The following CDYL variants were observed in gnomAD, a reference collection of about 807,000 sequenced individuals.
CDYL encodes the protein chromodomain Y-like protein.
A neutral mutation model predicts 47.3 loss-of-function variants in CDYL; 8 were observed. The observed-to-expected ratio is 0.17, with a 90% CI of 0.10 to 0.31. The LOEUF is 0.31. Among genes scored for constraint, CDYL ranks in the 10% least tolerant of loss-of-function variants. The pLI, the probability that CDYL is intolerant of heterozygous loss-of-function variation, is 1.00. For synonymous variants in CDYL, 266 were observed against 265.0 expected (o/e 1.00, Z -0.04); for missense variants, 471 against 701.4 (o/e 0.67, Z 3.71).
intron 2 of CDYL, among the ~76,000 whole-genome samples, chr6:4,899,478 C>G (rs1475840848): frequency 1.3e-5 from 2 of 152,072 alleles, no homozygotes; most frequent in Non-Finnish European, 2.9e-5. Context: ...AGTGGGGTTT[C>G]TAGGCTTCTT....
chr6:4,725,073 G>A (rs1484475745), intron 2 of CDYL, among the ~76,000 whole-genome samples: 1 of 152,184 alleles, frequency 6.6e-6, no homozygotes, highest in East Asian at 1.9e-4. Context: ...ATCCCCGCTA[G>A]ATTAGCTAGA....
At chr6:4,947,470 C>T (rs1758558246) in intron 5 of CDYL, among the ~76,000 whole-genome samples, 1 of 152,144 alleles carries the variant, frequency 6.6e-6, no homozygotes, top group African/African-American at 2.4e-5. Context: ...CAAGTCTCAG[C>T]CCTCTCTGCC....
intron 1 of CDYL, among the ~76,000 whole-genome samples, chr6:4,868,983 C>T (rs1192794198): frequency 6.6e-6 from 1 of 152,114 alleles, no homozygotes; most frequent in Non-Finnish European, 1.5e-5. Context: ...GTTTTCATGT[C>T]ATATTTTTTC....
At chr6:4,744,242 C>G (rs529671746) in intron 3 of CDYL, among the ~76,000 whole-genome samples, 2 of 152,190 alleles carry the variant, frequency 1.3e-5, no homozygotes, top group African/African-American at 4.8e-5. Flanking sequence ...ACTGCAATCC[C>G]AGCACTCTGG....
chr6:4,724,684 A>T (rs191789048), intron 2 of CDYL: 14 of 151,884 alleles, frequency 9.2e-5, no homozygotes, highest in Admixed American at 5.9e-4. Flanking sequence ...TACAGCTCTT[A>T]ATGCAGCGCG....
At chr6:4,862,975 GATAAAGAAA>G (rs2127469369) in intron 1 of CDYL, among the ~76,000 whole-genome samples, 1 of 152,242 alleles carries the variant, frequency 6.6e-6, no homozygotes, top group South Asian at 2.1e-4. Context: ...CAGTGTACTG[GATAAAGAAA>G]ATGTGGTACA....
Position 4,732,024 on chromosome 6 carries a change from T to C in CDYL, c.104-2738T>C, listed in dbSNP as rs534801485. ...AATATGTGATAATTTAAAAGTAATA[T>C]GTAGAGTTGATTTAAAATAGGAAAA... is the stretch of plus-strand genomic sequence containing the variant. On this transcript the variant is annotated intron_variant, in intron 2 of 8. Transcript: ENST00000328908. Among the ~76,000 whole-genome samples the C allele has an allele frequency of 1.4e-4, 22 of 152,192 alleles. No individual in the cohort carries two copies. In the South Asian group the frequency reaches 4.4e-3, roughly 30 times the overall value.
chr6:4,752,215 A>G lies in CDYL; in HGVS notation c.186+17371A>G, dbSNP rs540316490. ...CTGCTAATGCCCCATTACCATCCTC[A>G]GGGCTGGTAATTGCAAGGGTAGAGA... On this transcript the variant is annotated intron_variant, in intron 3 of 8. Transcript: ENST00000328908. 9.9e-5 allele frequency among the ~76,000 whole-genome samples: 15 copies of G among 152,194 alleles called. No homozygotes were observed. The South Asian group carries it at 2.7e-3, about 27-fold the overall frequency.
intron 1 of CDYL, among the ~76,000 whole-genome samples, chr6:4,815,677 T>C (rs1015492998): frequency 1.2e-4 from 18 of 150,212 alleles, no homozygotes; most frequent in Non-Finnish European, 1.9e-4. Context: ...ATTTCACTTT[T>C]TTTTTTTTTT....
chr6:4,891,820 C>G lies in CDYL; in HGVS notation c.132C>G (p.His44Gln). 3 of 1,614,166 alleles carry G rather than the reference C, an allele frequency of 1.9e-6. No individual in the cohort carries two copies. Among genetic ancestry groups the G allele is most frequent in the Non-Finnish European group, 2.5e-6 (3 of 1,180,044 alleles). The change falls in exon 2 of 7, where the codon CAC becomes CAG. Residue 44 changes from histidine (H) to glutamine (Q), a missense_variant. His to Gln is a conservative substitution (Grantham distance 24). Coordinates refer to ENST00000397588, the MANE Select transcript of CDYL (RefSeq NM_004824.4). The part of the protein sequence containing the change: ...SEDDTWEPEQ[H>Q]LVNCEEYIHD... ...ACGACACTTGGGAGCCGGAACAGCA[C>G]CTCGTGAACTGTGAGGAATACATCC...
intron 1 of CDYL, among the ~76,000 whole-genome samples, chr6:4,862,666 T>C (rs1761205950): frequency 6.6e-6 from 1 of 152,212 alleles, no homozygotes; most frequent in Non-Finnish European, 1.5e-5. Flanking sequence ...TAAAACACTT[T>C]AGAACAGTTA....
chr6:4,750,382 T>A (rs1757968929), intron 3 of CDYL, among the ~76,000 whole-genome samples: 1 of 151,666 alleles, frequency 6.6e-6, no homozygotes, highest in Non-Finnish European at 1.5e-5. Context: ...TTTGTATTTT[T>A]AAAAGAGACG....
chr6:4,782,341 T>C (rs1758639167), intron 1 of CDYL, among the ~76,000 whole-genome samples: 1 of 152,192 alleles, frequency 6.6e-6, no homozygotes, highest in Non-Finnish European at 1.5e-5. Flanking sequence ...CGTTGCATAA[T>C]TGTTGAGTTA....
At position 4,776,737 on chromosome 6, in the gene CDYL, C is replaced by T. The variant is rs1328649578; in HGVS notation, c.-47C>T. 1.6e-6 allele frequency: 2 copies of T among 1,263,952 alleles called. No homozygotes were observed. The highest frequency in any genetic ancestry group is 2.9e-5 in the Admixed American group (1 of 34,596). The allele number at this position is 1,263,952 out of a possible 1,614,324, so 78.3% of individuals were successfully genotyped here. A position where few individuals can be genotyped will look rare whatever the true frequency, so the allele number is the denominator to read the frequency against. On this transcript the variant is annotated 5_prime_UTR_variant, in exon 1 of 7. Transcript: ENST00000397588. ...CAAAGTGTCGGCCGCCCGGCGCCGG[C>T]GCCCGCCCCGACCCTGCCCCTCCCG...
chr6:4,784,119 C>A (rs1758691008), intron 1 of CDYL, among the ~76,000 whole-genome samples: 1 of 152,130 alleles, frequency 6.6e-6, no homozygotes, highest in African/African-American at 2.4e-5. Context: ...TGTGTTTAAT[C>A]TGCTGTTTTA....
chr6:4,896,648 G>T (rs1307472506), intron 2 of CDYL, among the ~76,000 whole-genome samples: 1 of 152,176 alleles, frequency 6.6e-6, no homozygotes, highest in Non-Finnish European at 1.5e-5. Flanking sequence ...ATGAGGAGAA[G>T]CCGCGCTGAA....
intron 3 of CDYL, among the ~76,000 whole-genome samples, chr6:4,770,081 C>G (rs1347221163): frequency 6.6e-6 from 1 of 152,040 alleles, no homozygotes; most frequent in Non-Finnish European, 1.5e-5. Flanking sequence ...TCGTGATCCA[C>G]CAGCCTTGGC....
At chr6:4,872,324 CTTTT>C (rs56242830) in intron 1 of CDYL, among the ~76,000 whole-genome samples, 24 of 121,618 alleles carry the variant, frequency 2.0e-4, no homozygotes, top group East Asian at 1.2e-3. Flanking sequence ...TTTGATTTGG[CTTTT>C]TTTTTTTTTT....
intron 2 of CDYL, among the ~76,000 whole-genome samples, chr6:4,929,227 C>G (rs1193390813): frequency 1.4e-5 from 2 of 147,890 alleles, no homozygotes; most frequent in Admixed American, 1.4e-4. Context: ...TATAGGTTGG[C>G]TTTTTTTTTT....
Sources: allele counts gnomAD v4.1 joint callset (sites outside exome capture counted in the v4.1 genomes callset), GRCh38; gene constraint gnomAD v4.1.1; transcripts MANE v1.5; gene names NCBI Gene and HGNC (gene_info 2026-07-23, HGNC 2026-07-21).